NEK1: variants seen among roughly 807,000 people sequenced by gnomAD.
NEK1 encodes serine/threonine-protein kinase Nek1.
Under a neutral mutation model 182.1 loss-of-function variants are expected in NEK1, and 137 were observed. The observed-to-expected ratio is 0.75, with a 90% CI of 0.65 to 0.87. NEK1 has a LOEUF of 0.87. Among genes scored for constraint, NEK1 ranks in the 40% least tolerant of loss-of-function variants. The pLI is 0.00. For synonymous variants in NEK1, 513 were observed against 492.2 expected, an observed-to-expected ratio of 1.04 and a Z score of -0.56; for missense variants, 1,391 against 1,494.4, an observed-to-expected ratio of 0.93 and a Z score of 1.14.
rs763684777 is a variant in NEK1 at position 169,400,628 on chromosome 4, T to A, written c.3607A>T (p.Ser1203Cys). The A allele has an allele frequency of 3.8e-5, 61 of 1,596,126 alleles. No individual in the cohort carries two copies. In the South Asian group the frequency reaches 4.3e-4, roughly 11 times the overall value. Residue 1203 changes from serine to cysteine, a missense_variant, in exon 34 of 36, where the codon AGT becomes TGT. By Grantham distance (112) the Ser-to-Cys change is moderately radical (BLOSUM62 -1). Coordinates refer to ENST00000507142, the MANE Select transcript of NEK1 (RefSeq NM_001199397.3). ...AAGACACTATCGCATTCACATTCAC[T>A]AGCAATTTCACCATCACTGTTATCT... ...HSDNSDGEIA[S>C]ECECDSVFNH...
chr4:169,435,626 T>C (rs1038239159), intron 28 of NEK1, among the ~76,000 whole-genome samples: 1 of 152,152 alleles, frequency 6.6e-6, no homozygotes, highest in African/African-American at 2.4e-5. Context: ...AGGCTGAGCC[T>C]TTAAGAGAAC....
intron 23 of NEK1, among the ~76,000 whole-genome samples, chr4:169,497,925 T>C (rs557909896): frequency 6.6e-6 from 1 of 152,124 alleles, no homozygotes; most frequent in Non-Finnish European, 1.5e-5. Context: ...TCAGGTCCCC[T>C]TGGTGCAGAG....
At chr4:169,414,434 T>A (rs1734180985) in intron 31 of NEK1, among the ~76,000 whole-genome samples, 1 of 152,174 alleles carries the variant, frequency 6.6e-6, no homozygotes, top group Non-Finnish European at 1.5e-5. Context: ...AAAATTAACT[T>A]GTTTAATATT....
rs530696298 is a variant in NEK1 at position 169,486,771 on chromosome 4, G to A, written c.2008-7237C>T. ...ACACCCTGTGGGGAGCCTTACAGGCGTGCATGGAAAGTCTAAAAATAAGAC... is the reference window on the plus strand; with the variant it reads ...ACACCCTGTGGGGAGCCTTACAGGCATGCATGGAAAGTCTAAAAATAAGAC... On this transcript the variant is annotated intron_variant, in intron 23 of 35. Transcript: ENST00000507142. Among the ~76,000 whole-genome samples the A allele has an allele frequency of 2.6e-4, 39 of 152,284 alleles. No homozygotes were observed. In the South Asian group the frequency reaches 7.5e-3, roughly 29 times the overall value.
At chr4:169,491,899 T>C (rs1302108054) in intron 23 of NEK1, among the ~76,000 whole-genome samples, 1 of 152,242 alleles carries the variant, frequency 6.6e-6, no homozygotes, top group Non-Finnish European at 1.5e-5. Context: ...AATATCTTCA[T>C]GTGACAAAGT....
chr4:169,482,954 T>G (rs966436712), intron 23 of NEK1, among the ~76,000 whole-genome samples: 1 of 152,106 alleles, frequency 6.6e-6, no homozygotes, highest in African/African-American at 2.4e-5. Flanking sequence ...ACTTTTAATT[T>G]CCTTCAGGAA....
At chr4:169,491,456 T>A (rs1375564846) in intron 23 of NEK1, among the ~76,000 whole-genome samples, 1 of 152,076 alleles carries the variant, frequency 6.6e-6, no homozygotes, top group Non-Finnish European at 1.5e-5. Flanking sequence ...AATGGGATAA[T>A]ATACTCAAGG....
At chr4:169,455,293 T>C (rs983628414) in intron 27 of NEK1, among the ~76,000 whole-genome samples, 5 of 151,950 alleles carry the variant, frequency 3.3e-5, no homozygotes, top group African/African-American at 1.2e-4. Flanking sequence ...AACCTGCACG[T>C]TGTGCACATG....
intron 27 of NEK1, among the ~76,000 whole-genome samples, chr4:169,462,825 CT>C (rs1465579480): frequency 6.6e-6 from 1 of 152,128 alleles, no homozygotes; most frequent in Admixed American, 6.6e-5. Flanking sequence ...GGAATATTTC[CT>C]CCTGCCTCAT....
At chr4:169,574,276 AGT>A (rs1301050836) in intron 12 of NEK1, among the ~76,000 whole-genome samples, 8 of 152,254 alleles carry the variant, frequency 5.3e-5, no homozygotes, top group Admixed American at 2.0e-4. Flanking sequence ...AAGGAGTGAC[AGT>A]GAGTCAGGTG....
At chr4:169,611,242 A>C (rs1203653632) in intron 2 of NEK1, among the ~76,000 whole-genome samples, 5 of 152,224 alleles carry the variant, frequency 3.3e-5, no homozygotes, top group Non-Finnish European at 7.3e-5. Context: ...GACCTTTATT[A>C]AATTCCTGAC....
intron 31 of NEK1, among the ~76,000 whole-genome samples, chr4:169,414,233 T>C (rs956841434): frequency 6.6e-6 from 1 of 152,158 alleles, no homozygotes; most frequent in African/African-American, 2.4e-5. Flanking sequence ...CTAGAATCTA[T>C]TTGCTTAAAT....
chr4:169,495,276 C>T (rs1214753719), intron 23 of NEK1, among the ~76,000 whole-genome samples: 1 of 135,606 alleles, frequency 7.4e-6, no homozygotes, highest in Non-Finnish European at 1.5e-5. Context: ...CGGAGTTTCG[C>T]TCTGTCGCCC....
chr4:169,465,575 G>C (rs1349388541), intron 26 of NEK1, among the ~76,000 whole-genome samples: 2 of 152,052 alleles, frequency 1.3e-5, no homozygotes, highest in African/African-American at 4.8e-5. Context: ...TTTAGAGAAA[G>C]TTTAGAGAAA....
Position 169,450,147 on chromosome 4 carries a change from C to T in NEK1, c.2588-11888G>A, listed in dbSNP as rs186571449. Among the ~76,000 whole-genome samples the T allele has an allele frequency of 9.7e-4, 148 of 152,034 alleles. 1 individual carries two copies. The highest frequency in any genetic ancestry group is 3.4e-3 in the African/African-American group (142 of 41,484). ...TTAGAGAAAAAAGAGTAAAAAGAAACGAACAAGGCCTCCAAGAAATATGAC... is the reference window on the plus strand; with the variant it reads ...TTAGAGAAAAAAGAGTAAAAAGAAATGAACAAGGCCTCCAAGAAATATGAC... On this transcript the variant is annotated intron_variant, in intron 27 of 35. Transcript: ENST00000507142.
At chr4:169,603,426 A>C (rs535037696) in intron 2 of NEK1, among the ~76,000 whole-genome samples, 1 of 152,332 alleles carries the variant, frequency 6.6e-6, no homozygotes, top group South Asian at 2.1e-4. Flanking sequence ...TAGCTTTATC[A>C]CTTATTTGTT....
intron 23 of NEK1, among the ~76,000 whole-genome samples, chr4:169,494,323 C>T (rs990284297): frequency 3.9e-5 from 6 of 152,076 alleles, no homozygotes; most frequent in Admixed American, 1.3e-4. Context: ...TGTTCAATTC[C>T]CACCTATGAG....
At chr4:169,584,044 A>G (rs1308664717) in intron 10 of NEK1, among the ~76,000 whole-genome samples, 3 of 152,212 alleles carry the variant, frequency 2.0e-5, no homozygotes, top group Non-Finnish European at 4.4e-5. Context: ...GTTAACAGTT[A>G]TTTAACAAAG....
At chr4:169,533,333 T>G (rs1455393988) in intron 19 of NEK1, among the ~76,000 whole-genome samples, 1 of 152,194 alleles carries the variant, frequency 6.6e-6, no homozygotes, top group African/African-American at 2.4e-5. Context: ...ATTGTGGCAC[T>G]AGCACAATGC....
Sources: allele counts gnomAD v4.1 joint callset (sites outside exome capture counted in the v4.1 genomes callset), GRCh38; gene constraint gnomAD v4.1.1; transcripts MANE v1.5; gene names NCBI Gene and HGNC (gene_info 2026-07-23, HGNC 2026-07-21).